The following CA10 variants were observed in gnomAD, a reference collection of about 807,000 sequenced individuals.
The protein encoded by CA10 is carbonic anhydrase-related protein 10.
Under a neutral mutation model 44.2 loss-of-function variants are expected in CA10, and 14 were observed. That is an observed-to-expected ratio of 0.32 (90% CI 0.21 to 0.50). CA10 has a LOEUF of 0.50. Ranked by LOEUF, CA10 falls within the 20% of genes least tolerant of loss-of-function variation. The pLI, the probability that CA10 is intolerant of heterozygous loss-of-function variation, is 0.99. For missense variants in CA10, 350 were observed against 409.7 expected, an observed-to-expected ratio of 0.85 and a Z score of 1.26; for synonymous variants, 159 against 141.6, an observed-to-expected ratio of 1.12 and a Z score of -0.87.
chr17:51,649,972 T>TCCAGCCAGCCAGTCAG (rs1404940409), intron 5 of CA10, among the ~76,000 whole-genome samples: 1 of 119,470 alleles, frequency 8.4e-6, no homozygotes, highest in African/African-American at 2.9e-5. Flanking sequence ...CATCCATCCA[T>TCCAGCCAGCCAGTCAG]CCAGCCAGCC....
intron 4 of CA10, among the ~76,000 whole-genome samples, chr17:51,736,305 A>C (rs184780476): frequency 9.8e-5 from 15 of 152,314 alleles, no homozygotes. Context: ...TCATGGGAAC[A>C]CATTAGCCCT....
rs1916175677 is a variant in CA10 at position 51,717,686 on chromosome 17, T to TATAC, written c.465+29943_465+29946dup. Among the ~76,000 whole-genome samples the TATAC allele has an allele frequency of 2.1e-5, 2 of 94,978 alleles. 1 individual carries two copies. The highest frequency in any genetic ancestry group is 4.1e-5 in the Non-Finnish European group (2 of 48,548). 62.3% of individuals were successfully genotyped at this position (94,978 alleles called of 152,430 possible). On this transcript the variant is annotated intron_variant, in intron 4 of 8. Transcript: ENST00000451037. Reference sequence around the variant, plus strand: ...ATATACATGTATATATGTATATATGTATACATATATGCATGTATATATACA... The same window carrying TATAC: ...ATATACATGTATATATGTATATATGTATACATACATATATGCATGTATATATACA...
At chr17:52,071,951 A>G (rs537066881) in intron 2 of CA10, among the ~76,000 whole-genome samples, 1 of 152,326 alleles carries the variant, frequency 6.6e-6, no homozygotes, top group South Asian at 2.1e-4. Context: ...ATGCTGCTAA[A>G]GTGACAGCAT....
rs201717699 is a variant in CA10 at position 51,901,191 on chromosome 17, C to CT, written c.279+29798dup. Among the ~76,000 whole-genome samples the CT allele has an allele frequency of 8.6e-3, 1,310 of 151,954 alleles. 21 individuals are homozygous for CT. The highest frequency in any genetic ancestry group is 0.037 in the Middle Eastern group (11 of 294). On this transcript the variant is annotated intron_variant, in intron 3 of 8. Coordinates refer to ENST00000451037, the MANE Select transcript of CA10 (RefSeq NM_020178.5). Reference sequence around the variant, plus strand: ...ACTGTCCTTTGGATGGATTTCATTGCTTTTTTTTCCCTTTGATGCCTGTGG... The same window carrying CT: ...ACTGTCCTTTGGATGGATTTCATTGCTTTTTTTTTCCCTTTGATGCCTGTGG...
chr17:51,849,946 G>T (rs1000810974), intron 3 of CA10, among the ~76,000 whole-genome samples: 1 of 152,282 alleles, frequency 6.6e-6, no homozygotes, highest in East Asian at 1.9e-4. Flanking sequence ...AGAAGGATTG[G>T]CTTCTTCAGG....
chr17:52,072,497 A>AC, intron 1 of CA10, 104 bp from the exon 2 acceptor site: 1 of 760,990 alleles, frequency 1.3e-6, no homozygotes, highest in South Asian at 1.7e-5. Flanking sequence ...ACCCTTTTCT[A>AC]CCCCAAAGTC....
At position 52,157,860 on chromosome 17, in the gene CA10, C is replaced by G; in HGVS notation, c.-74G>C. The G allele has an allele frequency of 1.7e-6, 2 of 1,143,350 alleles. No individual in the cohort carries two copies. The highest frequency in any genetic ancestry group is 1.2e-5 in the South Asian group (1 of 81,488). 70.8% of individuals were successfully genotyped at this position (1,143,350 alleles called of 1,614,324 possible). On this transcript the variant is annotated 5_prime_UTR_variant, in exon 1 of 9. Coordinates refer to ENST00000451037, the MANE Select transcript of CA10 (RefSeq NM_020178.5). ...AGGGGGGAGCCCGACACGGCACACACACATACACACTCGCACACACTTCCG... is the reference window on the plus strand; with the variant it reads ...AGGGGGGAGCCCGACACGGCACACAGACATACACACTCGCACACACTTCCG...
chr17:52,076,498 A>C (rs2970045), intron 1 of CA10, among the ~76,000 whole-genome samples: 57,787 of 152,086 alleles, frequency 0.38, 13,044 homozygotes, highest in East Asian at 0.74. Context: ...TGAAGAACCA[A>C]ATTCACCCTC....
intron 3 of CA10, among the ~76,000 whole-genome samples, chr17:51,884,918 T>C (rs1037425261): frequency 2.0e-5 from 3 of 152,192 alleles, no homozygotes; most frequent in African/African-American, 7.2e-5. Context: ...TCCTTATTTG[T>C]CTGTATTCTT....
At chr17:51,755,832 T>C (rs1223263594) in intron 3 of CA10, among the ~76,000 whole-genome samples, 1 of 152,196 alleles carries the variant, frequency 6.6e-6, no homozygotes, top group East Asian at 1.9e-4. Flanking sequence ...AATTCAAGTC[T>C]TCATGACCCA....
At chr17:51,793,668 C>T (rs1330485140) in intron 3 of CA10, among the ~76,000 whole-genome samples, 3 of 152,184 alleles carry the variant, frequency 2.0e-5, no homozygotes, top group Admixed American at 6.5e-5. Flanking sequence ...ACAGTAGAAT[C>T]GCTGAACAGC....
chr17:51,876,340 T>C (rs1980078373), intron 3 of CA10, among the ~76,000 whole-genome samples: 1 of 148,488 alleles, frequency 6.7e-6, no homozygotes, highest in Non-Finnish European at 1.5e-5. Context: ...CTACTTTTTT[T>C]TCATCTTTTT....
intron 4 of CA10, among the ~76,000 whole-genome samples, chr17:51,679,539 G>C (rs1295929415): frequency 6.7e-6 from 1 of 150,240 alleles, no homozygotes; most frequent in Non-Finnish European, 1.5e-5. Context: ...GGGATTACAG[G>C]CATGAGCCAC....
At chr17:51,933,435 G>T (rs1982742651) in intron 2 of CA10, among the ~76,000 whole-genome samples, 1 of 152,070 alleles carries the variant, frequency 6.6e-6, no homozygotes. Flanking sequence ...AAGGAATGCA[G>T]GTGGCCTCTA....
intron 3 of CA10, among the ~76,000 whole-genome samples, chr17:51,796,984 G>T (rs1396605175): frequency 6.6e-6 from 1 of 152,086 alleles, no homozygotes; most frequent in Admixed American, 6.5e-5. Flanking sequence ...CATCTTTAAA[G>T]GCCTCCTTTT....
Position 51,724,595 on chromosome 17 carries a change from T to C in CA10, c.465+23038A>G, listed in dbSNP as rs560540456. 5.3e-5 allele frequency among the ~76,000 whole-genome samples: 8 copies of C among 152,318 alleles called. No individual in the cohort carries two copies. In the East Asian group the frequency reaches 1.5e-3, roughly 29 times the overall value. ...TTTGATTTGTTGGGGTGGAAAACGG[T>C]GGGTAAATTTTTCCTTTTTTTAAAT... On this transcript the variant is annotated intron_variant, in intron 4 of 8. Transcript: ENST00000451037.
At chr17:51,926,229 G>T (rs1982423553) in intron 3 of CA10, among the ~76,000 whole-genome samples, 1 of 152,186 alleles carries the variant, frequency 6.6e-6, no homozygotes, top group African/African-American at 2.4e-5. Context: ...GACTGGAAGT[G>T]TCAGGAGCTG....
intron 1 of CA10, among the ~76,000 whole-genome samples, chr17:52,098,898 C>T (rs1988469795): frequency 6.6e-6 from 1 of 152,186 alleles, no homozygotes; most frequent in Non-Finnish European, 1.5e-5. Flanking sequence ...AGTGCGTGAG[C>T]ATTCGTACCT....
chr17:51,677,050 T>G (rs906648595), intron 4 of CA10, among the ~76,000 whole-genome samples: 12 of 152,162 alleles, frequency 7.9e-5, no homozygotes, highest in Admixed American at 7.9e-4. Flanking sequence ...TGTAGTAGTG[T>G]GTTGAAAGAG....
Sources: gnomAD v4.1 joint callset for allele counts (sites outside exome capture counted in the v4.1 genomes callset) on GRCh38, gnomAD v4.1.1 for gene constraint, MANE v1.5 for transcripts, NCBI Gene and HGNC (gene_info 2026-07-23, HGNC 2026-07-21) for gene names.